The following MATN3 variants were observed in gnomAD, a reference collection of about 807,000 sequenced individuals.
MATN3 encodes matrilin-3.
A neutral mutation model predicts 45.3 loss-of-function variants in MATN3; 48 were observed. The observed-to-expected ratio is 1.06, with a 90% CI of 0.84 to 1.35. The LOEUF is 1.35. MATN3 is among the 40% of genes most tolerant of loss of function. The pLI, the probability that MATN3 is intolerant of heterozygous loss-of-function variation, is 0.00. For synonymous variants in MATN3, 217 were observed against 245.9 expected, an observed-to-expected ratio of 0.88 and a Z score of 1.10; for missense variants, 599 against 628.0, an observed-to-expected ratio of 0.95 and a Z score of 0.49.
rs142784514 is a variant in MATN3, at chr2:19,993,256, T to C, written c.1406-90A>G. ...AACACTTCACAAGATAAAATAATTA[T>C]GTCCTATGAGAAGTGAAAAAAAAGA... is the stretch of plus-strand genomic sequence containing the variant. On this transcript the variant is annotated intron_variant, in intron 7 of 7. Transcript: ENST00000407540. 16 of 1,001,656 alleles carry C rather than the reference T, an allele frequency of 1.6e-5. No homozygotes were observed. In the African/African-American group the frequency reaches 1.9e-4, roughly 12 times the overall value. 62.0% of individuals were successfully genotyped at this position (1,001,656 alleles called of 1,614,324 possible).
At chr2:19,998,326 C>T (rs1672920520) in intron 5 of MATN3, among the ~76,000 whole-genome samples, 1 of 152,144 alleles carries the variant, frequency 6.6e-6, no homozygotes, top group Non-Finnish European at 1.5e-5. Flanking sequence ...ATGCTTCCAG[C>T]CCCTGGCCCT....
intron 1 of MATN3, among the ~76,000 whole-genome samples, chr2:20,007,475 G>A (rs1182360386): frequency 1.3e-5 from 2 of 152,146 alleles, no homozygotes; most frequent in Non-Finnish European, 2.9e-5. Flanking sequence ...GTTGCAGTGA[G>A]CTGAGATCCT....
rs762137848 is a variant in MATN3 at position 20,006,304 on chromosome 2, C to G, written c.230G>C (p.Cys77Ser). 3.8e-5 allele frequency: 58 copies of G among 1,543,962 alleles called. No individual in the cohort carries two copies. Among genetic ancestry groups the G allele is most frequent in the Non-Finnish European group, 5.0e-5 (57 of 1,147,140 alleles). ...CACCAGGTCCAAGGGTCTGCTCTTG[C>G]AAACACCTGCAAAAGACCAAGCAAT... ...EPGRARGAGV[C>S]KSRPLDLVFI... Residue 77 changes from cysteine to serine, a missense_variant, in exon 2 of 8, where the codon TGC becomes TCC. Cys to Ser is a moderately radical substitution (Grantham distance 112). Coordinates refer to ENST00000407540, the MANE Select transcript of MATN3 (RefSeq NM_002381.5).
At position 19,992,897 on chromosome 2, in the gene MATN3, T is replaced by A; in HGVS notation, c.*214A>T. On this transcript the variant is annotated 3_prime_UTR_variant, in exon 8 of 8. Transcript: ENST00000407540. Reference sequence around the variant, plus strand: ...GTCATAACTTAGAGACACTAAAGTTTGCTCTTAATAAGTATCTGCATATGT... The same window carrying A: ...GTCATAACTTAGAGACACTAAAGTTAGCTCTTAATAAGTATCTGCATATGT... 1.9e-6 allele frequency: 1 copy of A among 532,264 alleles called. No homozygotes were observed. Among genetic ancestry groups the A allele is most frequent in the Non-Finnish European group, 3.3e-6 (1 of 305,548 alleles). The allele number at this position is 532,264 out of a possible 1,614,324, so 33.0% of individuals were successfully genotyped here.
chr2:20,001,051 A>C (rs1332096515), intron 4 of MATN3, among the ~76,000 whole-genome samples: 1 of 152,200 alleles, frequency 6.6e-6, no homozygotes, highest in Non-Finnish European at 1.5e-5. Flanking sequence ...CATTCAATGC[A>C]CTTTCCTCTC....
At chr2:20,010,073 A>AAAAAAAAAAAAAAAAAAAAAAAAC (rs1673190461) in intron 1 of MATN3, among the ~76,000 whole-genome samples, 1 of 146,264 alleles carries the variant, frequency 6.8e-6, no homozygotes. Context: ...ATACTAAAAA[A>AAAAAAAAAAAAAAAAAAAAAAAAC]AAAAAAAAAA....
intron 1 of MATN3, among the ~76,000 whole-genome samples, chr2:20,009,120 G>A (rs1262607236): frequency 6.6e-6 from 1 of 151,770 alleles, no homozygotes; most frequent in African/African-American, 2.4e-5. Flanking sequence ...AGCTGCTTAG[G>A]GGGCTGAGGC....
At chr2:19,996,518 AT>A (rs1443973295) in intron 6 of MATN3, among the ~76,000 whole-genome samples, 2 of 152,144 alleles carry the variant, frequency 1.3e-5, no homozygotes, top group African/African-American at 4.8e-5. Context: ...TGGCAAGCAA[AT>A]TCTGACAAGC....
At chr2:19,997,303 T>C (rs893003667) in intron 5 of MATN3, 44 bp from the exon 6 acceptor site, 2 of 1,543,630 alleles carry the variant, frequency 1.3e-6, no homozygotes, top group Non-Finnish European at 1.7e-6. Context: ...ACACATTAAA[T>C]AGAAAAGTAA....
At chr2:19,997,099 A>G (rs539596698) in intron 6 of MATN3, 35 bp downstream of exon 6, 1 of 1,606,002 alleles carries the variant, frequency 6.2e-7, no homozygotes. Flanking sequence ...AAATTTTCCT[A>G]CCAAAGGAAA....
intron 7 of MATN3, 63 bp from the exon 8 acceptor site, chr2:19,993,229 C>G (rs2103477652): frequency 3.4e-6 from 4 of 1,160,140 alleles, no homozygotes; most frequent in Non-Finnish European, 5.2e-6. Flanking sequence ...AACACACTTT[C>G]AAACACTTCA....
intron 1 of MATN3, among the ~76,000 whole-genome samples, chr2:20,009,216 C>T (rs1457771211): frequency 6.7e-6 from 1 of 148,574 alleles, no homozygotes; most frequent in Non-Finnish European, 1.5e-5. Context: ...TAGAATGAGA[C>T]CCAGTCTCTA....
intron 7 of MATN3, 87 bp from the exon 8 acceptor site, chr2:19,993,253 TTA>T: frequency 9.9e-7 from 1 of 1,014,426 alleles, no homozygotes; most frequent in Non-Finnish European, 1.5e-6. Context: ...GATAAAATAA[TTA>T]TGTCCTATGA....
chr2:20,006,749 C>T (rs994289180), intron 1 of MATN3, among the ~76,000 whole-genome samples: 2 of 152,238 alleles, frequency 1.3e-5, no homozygotes, highest in African/African-American at 4.8e-5. Flanking sequence ...CCACTGTGCC[C>T]AAGCCTCAGG....
At position 20,012,398 on chromosome 2, in the gene MATN3, C is replaced by A. The variant is rs1673235256; in HGVS notation, c.223+11G>T. 3 of 1,228,758 alleles carry A rather than the reference C, an allele frequency of 2.4e-6. No individual in the cohort carries two copies. The highest frequency in any genetic ancestry group is 3.1e-5 in the African/African-American group (2 of 64,250). 76.1% of individuals were successfully genotyped at this position (1,228,758 alleles called of 1,614,324 possible). A position where few individuals can be genotyped will look rare whatever the true frequency, so the allele number is the denominator to read the frequency against. Reference sequence around the variant, plus strand: ...CGATGCTCACGCGTCCCTCCCGCCGCCCGCCTGTACCTGCACCGCGGGCGC... The same window carrying A: ...CGATGCTCACGCGTCCCTCCCGCCGACCGCCTGTACCTGCACCGCGGGCGC... On this transcript the variant is annotated intron_variant, in intron 1 of 7. Coordinates refer to ENST00000407540, the MANE Select transcript of MATN3 (RefSeq NM_002381.5). The surrounding 1 kb of genome is among the most constrained non-coding windows in gnomAD (Gnocchi z 4.3).
In MATN3 at chr2:19,994,364, C is replaced by G; in HGVS notation, c.1340G>C (p.Gly447Ala). 1 of 1,613,564 alleles carries G rather than the reference C, an allele frequency of 6.2e-7. No homozygotes were observed. Among genetic ancestry groups the G allele is most frequent in the Non-Finnish European group, 8.5e-7 (1 of 1,179,650 alleles). ...RRLVSTEDAC[G>A]CEATLAFQDK... ...CTGGAATGCCAGTGTAGCTTCACATCCACAAGCATCTTCAGTGGAAACAAG... is the reference window on the plus strand; with the variant it reads ...CTGGAATGCCAGTGTAGCTTCACATGCACAAGCATCTTCAGTGGAAACAAG... The change falls in exon 7 of 8, where the codon GGA (glycine) becomes GCA (alanine). Residue 447 changes from glycine (G) to alanine (A), a missense_variant. Gly to Ala is a moderately conservative substitution (Grantham distance 60). Coordinates refer to ENST00000407540, the MANE Select transcript of MATN3 (RefSeq NM_002381.5).
At chr2:19,996,802 G>A (rs1335401836) in intron 6 of MATN3, among the ~76,000 whole-genome samples, 1 of 152,152 alleles carries the variant, frequency 6.6e-6, no homozygotes, top group Admixed American at 6.5e-5. Flanking sequence ...GCCCAACAAT[G>A]TAAATGTACT....
intron 2 of MATN3, among the ~76,000 whole-genome samples, chr2:20,003,627 C>T (rs973224737): frequency 1.4e-4 from 21 of 152,182 alleles, no homozygotes; most frequent in Non-Finnish European, 2.4e-4. Context: ...ATTTGTGCTT[C>T]CCCACCACAA....
intron 3 of MATN3, among the ~76,000 whole-genome samples, chr2:20,002,714 C>T (rs535772380): frequency 4.6e-5 from 7 of 152,006 alleles, no homozygotes; most frequent in African/African-American, 1.7e-4. Context: ...ATCCTCCCAT[C>T]TCGGCCTCCC....
Sources: gnomAD v4.1 joint callset for allele counts (sites outside exome capture counted in the v4.1 genomes callset) on GRCh38, gnomAD v4.1.1 for gene constraint, Gnocchi (gnomAD v3.1) non-coding constraint, MANE v1.5 for transcripts, NCBI Gene and HGNC (gene_info 2026-07-23, HGNC 2026-07-21) for gene names.